Variants in SLC25A26 observed in about 807,000 individuals in gnomAD.
The protein encoded by SLC25A26 is mitochondrial S-adenosylmethionine carrier protein.
SLC25A26 carries 36 observed loss-of-function variants against 37.8 expected under a neutral mutation model. The observed-to-expected ratio is 0.95, with a 90% CI of 0.73 to 1.26. The LOEUF is 1.26. Ranked by LOEUF, SLC25A26 falls within the 50% of genes most tolerant of loss-of-function variation. The pLI, the probability that SLC25A26 is intolerant of heterozygous loss-of-function variation, is 0.00. For synonymous variants in SLC25A26, 129 were observed against 122.5 expected, an observed-to-expected ratio of 1.05 and a Z score of -0.35; for missense variants, 390 against 331.1, an observed-to-expected ratio of 1.18 and a Z score of -1.38.
chr3:66,142,032 G>T (rs2070043289), intron 1 of SLC25A26, among the ~76,000 whole-genome samples: 1 of 152,148 alleles, frequency 6.6e-6, no homozygotes, highest in African/African-American at 2.4e-5. Flanking sequence ...AAGTGAACAA[G>T]TCAGTGGCAT....
At position 66,242,773 on chromosome 3, in the gene SLC25A26, A is replaced by G. The variant is rs551228435; in HGVS notation, c.191-430A>G. ...TATTTTGAGTAACCAGTAATAAAACATTATAGAATAGACATTTTCTTTAAA... is the reference window on the plus strand; with the variant it reads ...TATTTTGAGTAACCAGTAATAAAACGTTATAGAATAGACATTTTCTTTAAA... On this transcript the variant is annotated intron_variant, in intron 2 of 9. Coordinates refer to ENST00000354883, the MANE Select transcript of SLC25A26 (RefSeq NM_001379210.1). 9.8e-5 allele frequency among the ~76,000 whole-genome samples: 15 copies of G among 152,358 alleles called. No individual in the cohort carries two copies. The East Asian group carries it at 2.7e-3, about 27-fold the overall frequency.
intron 5 of SLC25A26, among the ~76,000 whole-genome samples, chr3:66,327,624 A>AT (rs35503387): frequency 1.8e-4 from 27 of 151,338 alleles, no homozygotes; most frequent in East Asian, 5.8e-4. Flanking sequence ...AAAAAGGATG[A>AT]TTTTTTTTTC....
At chr3:66,175,056 C>A (rs1576612240) in intron 1 of SLC25A26, among the ~76,000 whole-genome samples, 2 of 145,578 alleles carry the variant, frequency 1.4e-5, no homozygotes, top group Admixed American at 7.0e-5. Context: ...GGTCAGGATT[C>A]TCCAGAGATA....
At chr3:66,248,633 T>G (rs1168190550) in intron 3 of SLC25A26, among the ~76,000 whole-genome samples, 2 of 152,244 alleles carry the variant, frequency 1.3e-5, no homozygotes, top group Non-Finnish European at 2.9e-5. Flanking sequence ...GTGAATGTAA[T>G]GTATGTTCAT....
rs147526506 is a variant in SLC25A26 at position 66,350,692 on chromosome 3, C to CTGTG, written c.498+4303_498+4306dup. Reference sequence around the variant, plus strand: ...GTTTTTTCAGCTTCTGCCCTATACTCTGTGTGTGTGTGTGTGTGTGTGAGC... The same window carrying CTGTG: ...GTTTTTTCAGCTTCTGCCCTATACTCTGTGTGTGTGTGTGTGTGTGTGTGTGAGC... On this transcript the variant is annotated intron_variant, in intron 6 of 9. Transcript: ENST00000354883. Among the ~76,000 whole-genome samples, 318 of 135,004 alleles carry CTGTG rather than the reference C, an allele frequency of 2.4e-3. 1 individual carries two copies. The highest frequency in any genetic ancestry group is 6.7e-3 in the African/African-American group (266 of 39,900). The allele number at this position is 135,004 out of a possible 152,430, so 88.6% of individuals were successfully genotyped here. A position where few individuals can be genotyped will look rare whatever the true frequency, so the allele number is the denominator to read the frequency against.
chr3:66,250,700 G>C (rs953377326), intron 3 of SLC25A26, among the ~76,000 whole-genome samples: 5 of 152,082 alleles, frequency 3.3e-5, no homozygotes, highest in Non-Finnish European at 5.9e-5. Flanking sequence ...AGGGTCATCT[G>C]TACAAGGTAG....
intron 5 of SLC25A26, among the ~76,000 whole-genome samples, chr3:66,265,165 G>A (rs979626575): frequency 2.6e-5 from 4 of 152,066 alleles, no homozygotes; most frequent in Non-Finnish European, 5.9e-5. Context: ...ACGAAAACTA[G>A]CTGGGCATGG....
intron 5 of SLC25A26, among the ~76,000 whole-genome samples, chr3:66,287,900 A>G (rs1159964708): frequency 6.6e-6 from 1 of 152,256 alleles, no homozygotes; most frequent in East Asian, 1.9e-4. Flanking sequence ...AGGACAGATT[A>G]TAGAAATTTT....
chr3:66,151,861 T>C (rs1233730550), intron 1 of SLC25A26, among the ~76,000 whole-genome samples: 1 of 152,270 alleles, frequency 6.6e-6, no homozygotes, highest in African/African-American at 2.4e-5. Context: ...GTGAGCTTTT[T>C]AAGAATAGGG....
chr3:66,214,825 G>T (rs1454713148), intron 1 of SLC25A26, among the ~76,000 whole-genome samples: 1 of 152,076 alleles, frequency 6.6e-6, no homozygotes, highest in Non-Finnish European at 1.5e-5. Context: ...TTTATCTCAA[G>T]AATAGAAAAA....
chr3:66,169,195 C>T (rs2070463107), intron 1 of SLC25A26, among the ~76,000 whole-genome samples: 1 of 152,140 alleles, frequency 6.6e-6, no homozygotes, highest in East Asian at 1.9e-4. Context: ...TTATGCAGGA[C>T]CAGAGTGTTC....
At chr3:66,231,683 G>A (rs143336802) in intron 1 of SLC25A26, among the ~76,000 whole-genome samples, 3,122 of 151,736 alleles carry the variant, frequency 0.021, 109 homozygotes, top group African/African-American at 0.072. Context: ...GGATTATATA[G>A]CATATATTGT....
intron 6 of SLC25A26, among the ~76,000 whole-genome samples, chr3:66,354,512 C>G (rs1420503747): frequency 6.6e-6 from 1 of 152,086 alleles, no homozygotes; most frequent in African/African-American, 2.4e-5. Flanking sequence ...TTTAAACGTG[C>G]AGTACTACAT....
chr3:66,237,381 A>G (rs2072344544), intron 2 of SLC25A26, among the ~76,000 whole-genome samples: 1 of 152,230 alleles, frequency 6.6e-6, no homozygotes, highest in Non-Finnish European at 1.5e-5. Flanking sequence ...TAGAAGTTTA[A>G]TTGGTCTAGG....
At chr3:66,158,975 G>A (rs1028654519) in intron 1 of SLC25A26, among the ~76,000 whole-genome samples, 4 of 152,082 alleles carry the variant, frequency 2.6e-5, no homozygotes, top group African/African-American at 9.7e-5. Flanking sequence ...AGGGGGAGGT[G>A]CTGAGGGACA....
At chr3:66,254,919 G>A (rs1039974292) in intron 3 of SLC25A26, among the ~76,000 whole-genome samples, 1 of 152,162 alleles carries the variant, frequency 6.6e-6, no homozygotes. Context: ...GGATACTTAG[G>A]GACTTTGAAG....
chr3:66,267,730 G>C (rs1291076240), intron 5 of SLC25A26, among the ~76,000 whole-genome samples: 1 of 152,190 alleles, frequency 6.6e-6, no homozygotes, highest in Non-Finnish European at 1.5e-5. Context: ...TGCCAAACAA[G>C]TAATTCAATC....
chr3:66,304,421 CTGTT>C, intron 5 of SLC25A26: 1 of 456,220 alleles, frequency 2.2e-6, no homozygotes, highest in Non-Finnish European at 4.4e-6. Context: ...GTTCACATGT[CTGTT>C]GTCATATTTT....
intron 5 of SLC25A26, among the ~76,000 whole-genome samples, chr3:66,290,714 G>A (rs2074675792): frequency 1.3e-5 from 2 of 152,160 alleles, no homozygotes; most frequent in African/African-American, 4.8e-5. Flanking sequence ...GATTCGGTTT[G>A]CCAGTATATT....
Sources: gnomAD v4.1 joint callset for allele counts (sites outside exome capture counted in the v4.1 genomes callset) on GRCh38, gnomAD v4.1.1 for gene constraint, MANE v1.5 for transcripts, NCBI Gene and HGNC (gene_info 2026-07-23, HGNC 2026-07-21) for gene names.